Variants in CADPS2 observed in about 807,000 individuals in gnomAD.
CADPS2 encodes the protein calcium dependent secretion activator 2.
Under a neutral mutation model 172.5 loss-of-function variants are expected in CADPS2, and 93 were observed. That is an observed-to-expected ratio of 0.54 (90% CI 0.46 to 0.64). The LOEUF is 0.64. Ranked by LOEUF, CADPS2 falls within the 30% of genes least tolerant of loss-of-function variation. The pLI, the probability that CADPS2 is intolerant of heterozygous loss-of-function variation, is 0.00. For missense variants in CADPS2, 1,420 were observed against 1,565.9 expected, an observed-to-expected ratio of 0.91 and a Z score of 1.57; for synonymous variants, 546 against 555.2, an observed-to-expected ratio of 0.98 and a Z score of 0.23.
rs752226192 is a variant in CADPS2, at chr7:122,859,537, AC to A, written c.339+26461del. Among the ~76,000 whole-genome samples the A allele has an allele frequency of 1.3e-4, 20 of 152,276 alleles. No individual in the cohort carries two copies. In the South Asian group the frequency reaches 4.1e-3, roughly 32 times the overall value. On this transcript the variant is annotated intron_variant, in intron 1 of 29. Coordinates refer to ENST00000449022, the MANE Select transcript of CADPS2 (RefSeq NM_017954.11). ...AATACATAGGGGAGTCAAAGATAAA[AC>A]TATTAAGTCACTCAAAAACAAAATG...
At chr7:122,569,216 A>G (rs2132453163) in intron 7 of CADPS2, among the ~76,000 whole-genome samples, 1 of 152,274 alleles carries the variant, frequency 6.6e-6, no homozygotes, top group South Asian at 2.1e-4. Flanking sequence ...CAAAAATAAC[A>G]AGCATTCTTA....
At chr7:122,484,154 A>G (rs1449557917) in intron 11 of CADPS2, among the ~76,000 whole-genome samples, 2 of 152,178 alleles carry the variant, frequency 1.3e-5, no homozygotes, top group Non-Finnish European at 2.9e-5. Context: ...GTCAATTAAA[A>G]GTGAATAAAC....
At chr7:122,747,650 T>C (rs774718924) in intron 1 of CADPS2, among the ~76,000 whole-genome samples, 2 of 152,068 alleles carry the variant, frequency 1.3e-5, no homozygotes, top group African/African-American at 2.4e-5. Flanking sequence ...CCCAGAGAAT[T>C]TAAGAAAGTT....
chr7:122,485,581 A>T (rs746285578), intron 11 of CADPS2, among the ~76,000 whole-genome samples: 2 of 152,226 alleles, frequency 1.3e-5, no homozygotes, highest in Non-Finnish European at 2.9e-5. Context: ...ATTAGGGTTA[A>T]GGAAAAGAAG....
intron 2 of CADPS2, among the ~76,000 whole-genome samples, chr7:122,728,648 A>G (rs1370293959): frequency 1.3e-5 from 2 of 151,818 alleles, no homozygotes; most frequent in Non-Finnish European, 2.9e-5. Flanking sequence ...TAAAGGAAAG[A>G]GAAGTACAAC....
intron 11 of CADPS2, among the ~76,000 whole-genome samples, chr7:122,481,142 G>C (rs556580232): frequency 4.7e-5 from 7 of 147,930 alleles, no homozygotes; most frequent in Non-Finnish European, 1.0e-4. Context: ...TGATGAGGTA[G>C]AACATTTTCT....
chr7:122,335,008 T>A (rs1314581356), intron 28 of CADPS2, among the ~76,000 whole-genome samples: 1 of 152,206 alleles, frequency 6.6e-6, no homozygotes, highest in Non-Finnish European at 1.5e-5. Context: ...GGGTTTCAAC[T>A]TTCTATTCTC....
intron 1 of CADPS2, among the ~76,000 whole-genome samples, chr7:122,843,000 C>T (rs1193515224): frequency 6.6e-6 from 1 of 152,050 alleles, no homozygotes; most frequent in African/African-American, 2.4e-5. Context: ...GAAATCAAAA[C>T]AAACTATCAT....
intron 6 of CADPS2, among the ~76,000 whole-genome samples, chr7:122,599,666 T>G (rs993693011): frequency 6.6e-6 from 1 of 152,222 alleles, no homozygotes; most frequent in Non-Finnish European, 1.5e-5. Flanking sequence ...TTGTCAACCG[T>G]AGAATTTATT....
chr7:122,580,467 A>AAC (rs398006084), intron 7 of CADPS2, among the ~76,000 whole-genome samples: 2 of 150,436 alleles, frequency 1.3e-5, no homozygotes, highest in Non-Finnish European at 3.0e-5. Flanking sequence ...AAAAAAAAAA[A>AAC]CCCATTAAAA....
At chr7:122,697,813 A>G (rs756168270) in intron 2 of CADPS2, 4 of 1,591,312 alleles carry the variant, frequency 2.5e-6, no homozygotes, top group Non-Finnish European at 3.4e-6. Context: ...AACATCTTCC[A>G]CTACTGAATG....
intron 11 of CADPS2, among the ~76,000 whole-genome samples, chr7:122,481,929 G>A (rs868806919): frequency 3.4e-4 from 51 of 152,078 alleles, no homozygotes; most frequent in African/African-American, 1.2e-3. Flanking sequence ...CTACTTGGGA[G>A]GCTGAGGCAC....
chr7:122,450,459 T>C (rs1202534604), intron 15 of CADPS2, among the ~76,000 whole-genome samples: 3 of 151,256 alleles, frequency 2.0e-5, no homozygotes, highest in Non-Finnish European at 4.4e-5. Flanking sequence ...AGAAAAGAAA[T>C]ATTATCAAGG....
intron 15 of CADPS2, among the ~76,000 whole-genome samples, chr7:122,442,781 CAA>C (rs781746416): frequency 6.6e-6 from 1 of 151,332 alleles, no homozygotes; most frequent in Non-Finnish European, 1.5e-5. Context: ...TCTAGTCACT[CAA>C]GTTTTTTTTT....
At chr7:122,491,452 T>C (rs2058277118) in intron 9 of CADPS2, 32 bp from the exon 10 acceptor site, 1 of 1,244,880 alleles carries the variant, frequency 8.0e-7, no homozygotes, top group African/African-American at 1.5e-5. Context: ...TACAGATTAG[T>C]CACATTAAAT....
intron 8 of CADPS2, 148 bp from the exon 9 acceptor site, chr7:122,513,463 C>T (rs2060142754): frequency 8.1e-6 from 5 of 619,550 alleles, no homozygotes; most frequent in Admixed American, 3.0e-5. Context: ...CAACCTGCAG[C>T]TTCTGTGATA....
intron 1 of CADPS2, among the ~76,000 whole-genome samples, chr7:122,874,083 C>T (rs1585081597): frequency 6.6e-6 from 1 of 152,046 alleles, no homozygotes; most frequent in East Asian, 1.9e-4. Context: ...GGATAGATTG[C>T]AAAATTTTTC....
At chr7:122,682,857 C>A (rs2083200659) in intron 2 of CADPS2, among the ~76,000 whole-genome samples, 1 of 152,206 alleles carries the variant, frequency 6.6e-6, no homozygotes, top group Admixed American at 6.5e-5. Flanking sequence ...CCTTGATCCC[C>A]CTCTTGGGTG....
intron 1 of CADPS2, among the ~76,000 whole-genome samples, chr7:122,816,539 T>C (rs1801465960): frequency 6.6e-6 from 1 of 152,232 alleles, no homozygotes; most frequent in Non-Finnish European, 1.5e-5. Context: ...CTCCTTTCTT[T>C]TGGACATACA....
Sources: gnomAD v4.1 joint callset for allele counts (sites outside exome capture counted in the v4.1 genomes callset) on GRCh38, gnomAD v4.1.1 for gene constraint, MANE v1.5 for transcripts, NCBI Gene and HGNC (gene_info 2026-07-23, HGNC 2026-07-21) for gene names.